PCDHGB2: variants seen among roughly 807,000 people sequenced by gnomAD.
The protein encoded by PCDHGB2 is protocadherin gamma-B2.
A neutral mutation model predicts 59.3 loss-of-function variants in PCDHGB2; 55 were observed. That is an observed-to-expected ratio of 0.93 (90% CI 0.75 to 1.16). The LOEUF is 1.16. PCDHGB2 is among the 50% of genes most tolerant of loss of function. The pLI is 0.00. For missense variants in PCDHGB2, 1,228 were observed against 1,198.5 expected (o/e 1.02, Z -0.36); for synonymous variants, 516 against 512.0 (o/e 1.01, Z -0.11).
rs756243026 is a variant in PCDHGB2, at chr5:141,487,478, T to C, written c.2422-7329T>C. On this transcript the variant is annotated intron_variant, in intron 1 of 3. Transcript: ENST00000522605. This position sits in a 1 kb window ranked among gnomAD's most constrained non-coding sequence, Gnocchi z 5.0. ...CAAGTTTGTTGATGTGGGAGGCCAC[T>C]CTCATGGCTGTACACCCTTGGCTTC... is the stretch of plus-strand genomic sequence containing the variant. 6 of 1,614,078 alleles carry C rather than the reference T, an allele frequency of 3.7e-6. No individual in the cohort carries two copies. In the Admixed American group the frequency reaches 1.0e-4, roughly 27 times the overall value.
rs1354607645 is a variant in PCDHGB2, at chr5:141,433,848, A to C, written c.2422-60959A>C. Among the ~76,000 whole-genome samples, 4 of 152,082 alleles carry C rather than the reference A, an allele frequency of 2.6e-5. No individual in the cohort carries two copies. In the East Asian group the frequency reaches 5.8e-4, roughly 22 times the overall value. ...GTGAAACTCTATCTCAAAAAAAAAA[A>C]AAAAAAACTTTATCCTCTAGTTTCA... On this transcript the variant is annotated intron_variant, in intron 1 of 3. Coordinates refer to ENST00000522605, the MANE Select transcript of PCDHGB2 (RefSeq NM_018923.3).
chr5:141,475,162 G>T (rs949339969), intron 1 of PCDHGB2, among the ~76,000 whole-genome samples: 2 of 152,034 alleles, frequency 1.3e-5, no homozygotes, highest in South Asian at 4.1e-4. Flanking sequence ...TTCTTCATTA[G>T]CAGTGCAACT....
chr5:141,364,519 A>G, intron 1 of PCDHGB2: 1 of 1,614,016 alleles, frequency 6.2e-7, no homozygotes, highest in Non-Finnish European at 8.5e-7. Context: ...CGGAGCGCGG[A>G]GTCCGCATCG....
chr5:141,487,380 G>A lies in PCDHGB2; in HGVS notation c.2422-7427G>A. On this transcript the variant is annotated intron_variant, in intron 1 of 3. Transcript: ENST00000522605. This position sits in a 1 kb window ranked among gnomAD's most constrained non-coding sequence, Gnocchi z 5.0. ...GCTGGCACCTGTGCCTGTCTCACCA[G>A]ATCTCGAAGGAGGGAGGGGCTTCCC... is the stretch of plus-strand genomic sequence containing the variant. The A allele has an allele frequency of 1.2e-6, 2 of 1,614,202 alleles. No individual in the cohort carries two copies. The highest frequency in any genetic ancestry group is 2.2e-5 in the South Asian group (2 of 91,078).
chr5:141,364,793 C>T, intron 1 of PCDHGB2: 1 of 1,614,028 alleles, frequency 6.2e-7, no homozygotes. Context: ...GTTAGTGCTT[C>T]CCTTCGCGCG....
In PCDHGB2 at chr5:141,414,837, G is replaced by C. The variant is rs776651290; in HGVS notation, c.2421+52281G>C. On this transcript the variant is annotated intron_variant, in intron 1 of 3. Coordinates refer to ENST00000522605, the MANE Select transcript of PCDHGB2 (RefSeq NM_018923.3). ...TCAGCAGCAACGTGTCGTTGAGCCT[G>C]TTTGTGCTGGACCAGAACGACAATG... The C allele has an allele frequency of 2.4e-5, 38 of 1,614,232 alleles. No homozygotes were observed. In the Admixed American group the frequency reaches 5.8e-4, roughly 25 times the overall value.
intron 1 of PCDHGB2, among the ~76,000 whole-genome samples, chr5:141,473,757 T>C (rs993403397): frequency 6.6e-6 from 1 of 152,240 alleles, no homozygotes; most frequent in Non-Finnish European, 1.5e-5. Context: ...TTGGATACTA[T>C]GCAAAGGATT....
Position 141,490,192 on chromosome 5 carries a change from A to C in PCDHGB2, c.2422-4615A>C. 1 of 1,614,182 alleles carries C rather than the reference A, an allele frequency of 6.2e-7. No homozygotes were observed. Among genetic ancestry groups the C allele is most frequent in the South Asian group, 1.1e-5 (1 of 91,082 alleles). On this transcript the variant is annotated intron_variant, in intron 1 of 3. Coordinates refer to ENST00000522605, the MANE Select transcript of PCDHGB2 (RefSeq NM_018923.3). The surrounding 1 kb of genome is among the most constrained non-coding windows in gnomAD (Gnocchi z 5.4). Reference sequence around the variant, plus strand: ...CTTTGAGGAGTCACGTTTCTATGAAATTCATGCAAGAGCCCGTGACCAGGG... The same window carrying C: ...CTTTGAGGAGTCACGTTTCTATGAACTTCATGCAAGAGCCCGTGACCAGGG...
intron 1 of PCDHGB2, chr5:141,416,195 CAATT>C (rs1181982521): frequency 6.6e-6 from 1 of 152,322 alleles, no homozygotes; most frequent in African/African-American, 2.4e-5. Flanking sequence ...ATTGAATTAA[CAATT>C]TATTTATAAC....
chr5:141,389,789 C>A (rs1437335316), intron 1 of PCDHGB2: 4 of 1,613,328 alleles, frequency 2.5e-6, no homozygotes, highest in African/African-American at 2.7e-5. Flanking sequence ...ACAGGGACGC[C>A]GTCCGCCAGC....
In PCDHGB2 at chr5:141,431,931, C is replaced by T. The variant is rs2097430107; in HGVS notation, c.2422-62876C>T. ...ATCTGTTTCATCCAAGGAAATCTGCCCTTTAAATTAGAAAAATCTTACGGA... is the reference window on the plus strand; with the variant it reads ...ATCTGTTTCATCCAAGGAAATCTGCTCTTTAAATTAGAAAAATCTTACGGA... On this transcript the variant is annotated intron_variant, in intron 1 of 3. Transcript: ENST00000522605. This position sits in a 1 kb window ranked among gnomAD's most constrained non-coding sequence, Gnocchi z 4.8. The T allele has an allele frequency of 6.2e-7, 1 of 1,613,924 alleles. No homozygotes were observed. Among genetic ancestry groups the T allele is most frequent in the Admixed American group, 1.7e-5 (1 of 59,986 alleles).
chr5:141,440,103 A>G (rs1391819927), intron 1 of PCDHGB2: 1 of 152,222 alleles, frequency 6.6e-6, no homozygotes, highest in Non-Finnish European at 1.5e-5. Flanking sequence ...GAAAGTGGAG[A>G]CTTACTTGTG....
At position 141,360,199 on chromosome 5, in the gene PCDHGB2, T is replaced by C. The variant is rs377198093; in HGVS notation, c.64T>C (p.Leu22=). Residue 22 remains leucine (L), a synonymous_variant, in exon 1 of 4, where the codon TTG becomes CTG. Transcript: ENST00000522605. ...GCTGCAGGTACTGTTGCCCTTCCTG[T>C]TGTCTTTGTTCCCCGGGGCTCTCCC... ...RWLQVLLPFL[L]SLFPGALPVQ... is the part of the protein sequence containing the mutation. The C allele has an allele frequency of 4.8e-5, 77 of 1,612,536 alleles. No individual in the cohort carries two copies. Among genetic ancestry groups the C allele is most frequent in the Non-Finnish European group, 6.4e-5 (75 of 1,179,256 alleles).
intron 1 of PCDHGB2, among the ~76,000 whole-genome samples, chr5:141,464,397 C>T (rs1352852782): frequency 1.3e-5 from 2 of 150,158 alleles, no homozygotes; most frequent in Non-Finnish European, 3.0e-5. Context: ...TAATGAAGAA[C>T]CTGAGATATA....
chr5:141,457,891 T>C (rs2154566084), intron 1 of PCDHGB2, among the ~76,000 whole-genome samples: 1 of 152,346 alleles, frequency 6.6e-6, no homozygotes, highest in South Asian at 2.1e-4. Context: ...GTGTGGGGAC[T>C]GTGTAGACAA....
intron 3 of PCDHGB2, among the ~76,000 whole-genome samples, chr5:141,506,682 C>A (rs1333272766): frequency 6.6e-6 from 1 of 152,192 alleles, no homozygotes; most frequent in East Asian, 1.9e-4. Context: ...ATATTATTAT[C>A]TTTGCTGACC....
At chr5:141,367,311 G>C (rs1390904308) in intron 1 of PCDHGB2, 1 of 152,666 alleles carries the variant, frequency 6.6e-6, no homozygotes. Flanking sequence ...GGCTGAGGTG[G>C]GCGGATCACG....
chr5:141,489,804 G>A lies in PCDHGB2; in HGVS notation c.2422-5003G>A, dbSNP rs2099692572. 1 of 1,614,056 alleles carries A rather than the reference G, an allele frequency of 6.2e-7. No homozygotes were observed. The highest frequency in any genetic ancestry group is 1.3e-5 in the African/African-American group (1 of 74,932). ...TGAATGTGAAGACCCTAAAAGATGG[G>A]AAGCCATTCCCAGAGCTGGTGCTAG... On this transcript the variant is annotated intron_variant, in intron 1 of 3. Transcript: ENST00000522605. The surrounding 1 kb of genome is among the most constrained non-coding windows in gnomAD (Gnocchi z 4.5).
chr5:141,508,737 C>A (rs919094477), intron 3 of PCDHGB2, among the ~76,000 whole-genome samples: 8 of 152,010 alleles, frequency 5.3e-5, no homozygotes, highest in Non-Finnish European at 1.2e-4. Flanking sequence ...CTACACCCCC[C>A]ACCCCGCTCT....
Sources: allele counts gnomAD v4.1 joint callset (sites outside exome capture counted in the v4.1 genomes callset), GRCh38; gene constraint gnomAD v4.1.1; non-coding constraint Gnocchi (gnomAD v3.1); transcripts MANE v1.5; gene names NCBI Gene and HGNC (gene_info 2026-07-23, HGNC 2026-07-21).